The following CDH8 variants were observed in gnomAD, a reference collection of about 807,000 sequenced individuals.
CDH8 encodes cadherin-8.
In CDH8, 17 loss-of-function variants were observed where a neutral mutation model predicts 68.1. The observed-to-expected ratio is 0.25, with a 90% confidence interval of 0.17 to 0.37. The LOEUF is 0.37. Ranked by LOEUF, CDH8 falls within the 10% of genes least tolerant of loss-of-function variation. The pLI is 1.00. For synonymous variants in CDH8, 372 were observed against 365.1 expected (o/e 1.02, Z -0.21); for missense variants, 763 against 999.3 (o/e 0.76, Z 3.19).
chr16:61,982,226 C>CT lies in CDH8; in HGVS notation c.252+38925dup, dbSNP rs547193173. On this transcript the variant is annotated intron_variant, in intron 2 of 11. Transcript: ENST00000577390. ...TAGCTGTGAGACATTAGGCAATTTT[C>CT]TTTTTTTTTTTAAGACAGAGTCTCG... Among the ~76,000 whole-genome samples the CT allele has an allele frequency of 4.7e-3, 694 of 146,958 alleles. 1 individual carries two copies. The highest frequency in any genetic ancestry group is 0.017 in the South Asian group (79 of 4,650).
chr16:61,948,367 G>A (rs1476179076), intron 2 of CDH8, among the ~76,000 whole-genome samples: 2 of 152,110 alleles, frequency 1.3e-5, no homozygotes, highest in Non-Finnish European at 2.9e-5. Flanking sequence ...ATCTAGAACA[G>A]TGCCTCCCCA....
intron 10 of CDH8, among the ~76,000 whole-genome samples, chr16:61,660,929 T>C (rs1217675289): frequency 6.6e-6 from 1 of 151,984 alleles, no homozygotes; most frequent in Non-Finnish European, 1.5e-5. Flanking sequence ...TAAAGGAAGT[T>C]GTCTTCAGAC....
intron 3 of CDH8, among the ~76,000 whole-genome samples, chr16:61,880,717 C>T (rs1207603199): frequency 3.3e-5 from 5 of 152,112 alleles, no homozygotes; most frequent in Admixed American, 2.6e-4. Flanking sequence ...TTTGAAAATG[C>T]CATTCTTGCT....
rs138403638 is a variant in CDH8, at chr16:62,016,992, C to T, written c.252+4160G>A. On this transcript the variant is annotated intron_variant, in intron 2 of 11. Coordinates refer to ENST00000577390, the MANE Select transcript of CDH8 (RefSeq NM_001796.5). ...AATACATAAAAAAAATTGTTAACTA[C>T]CCAGGTGGTCTATAAAATACTCATA... 1.4e-3 allele frequency among the ~76,000 whole-genome samples: 218 copies of T among 152,256 alleles called. 2 individuals are homozygous for T. The East Asian group carries it at 0.034, about 24-fold the overall frequency.
At chr16:61,955,293 A>C (rs1964968373) in intron 2 of CDH8, among the ~76,000 whole-genome samples, 2 of 152,110 alleles carry the variant, frequency 1.3e-5, no homozygotes, top group Non-Finnish European at 1.5e-5. Flanking sequence ...ACCATAACCT[A>C]CTCTTGTGCC....
At chr16:61,842,080 TG>T (rs1274457876) in intron 4 of CDH8, among the ~76,000 whole-genome samples, 40 of 150,822 alleles carry the variant, frequency 2.7e-4, no homozygotes, top group South Asian at 8.4e-4. Flanking sequence ...TTGTATTTTT[TG>T]TATTTTTAGT....
At position 61,653,499 on chromosome 16, in the gene CDH8, G is replaced by T. The variant is rs1298005455; in HGVS notation, c.*109C>A. On this transcript the variant is annotated 3_prime_UTR_variant, in exon 12 of 12. Transcript: ENST00000577390. The stretch of plus-strand genomic sequence containing the variant: ...AATGTGGTTGAGTTTATAGATGACT[G>T]GTGCTAAACTTGCCTCTAAAACAAA... 2.7e-6 allele frequency: 4 copies of T among 1,492,420 alleles called. No individual in the cohort carries two copies. In the African/African-American group the frequency reaches 4.2e-5, roughly 16 times the overall value. 92.4% of individuals were successfully genotyped at this position (1,492,420 alleles called of 1,614,324 possible).
At chr16:61,974,104 G>T (rs1965393481) in intron 2 of CDH8, among the ~76,000 whole-genome samples, 1 of 152,152 alleles carries the variant, frequency 6.6e-6, no homozygotes, top group African/African-American at 2.4e-5. Flanking sequence ...ATCTAGAAAT[G>T]GGTCTGACAT....
intron 11 of CDH8, 58 bp downstream of exon 11, chr16:61,655,412 T>A: frequency 1.3e-6 from 2 of 1,577,648 alleles, no homozygotes; most frequent in Non-Finnish European, 1.7e-6. Context: ...TGTCCTTATT[T>A]ACAGTCATTT....
chr16:61,782,136 G>A (rs1405680516), intron 8 of CDH8, among the ~76,000 whole-genome samples: 1 of 152,172 alleles, frequency 6.6e-6, no homozygotes, highest in African/African-American at 2.4e-5. Context: ...CAGCGTGAGC[G>A]ACGCAGAAGA....
intron 10 of CDH8, among the ~76,000 whole-genome samples, chr16:61,669,082 G>A (rs1245711740): frequency 6.6e-6 from 1 of 151,978 alleles, no homozygotes; most frequent in East Asian, 1.9e-4. Context: ...GCTTTGATTT[G>A]TAGGTCAAAT....
At chr16:61,833,369 G>T (rs1331750354) in intron 4 of CDH8, among the ~76,000 whole-genome samples, 2 of 151,550 alleles carry the variant, frequency 1.3e-5, no homozygotes, top group Non-Finnish European at 2.9e-5. Flanking sequence ...ATATATGCAT[G>T]TTTTCTACTT....
intron 7 of CDH8, among the ~76,000 whole-genome samples, chr16:61,812,289 A>G (rs774743903): frequency 6.6e-6 from 1 of 152,216 alleles, no homozygotes; most frequent in Non-Finnish European, 1.5e-5. Context: ...CAGGTGAATT[A>G]TAAAAATGCC....
At chr16:61,944,096 C>T (rs1459777652) in intron 2 of CDH8, among the ~76,000 whole-genome samples, 2 of 152,136 alleles carry the variant, frequency 1.3e-5, no homozygotes, top group Non-Finnish European at 2.9e-5. Flanking sequence ...TTATTATTTC[C>T]TTCTACAGAG....
Position 61,817,505 on chromosome 16 carries a change from G to A in CDH8, c.1251C>T (p.Asp417=), listed in dbSNP as rs765994153. The A allele has an allele frequency of 1.2e-6, 2 of 1,613,868 alleles. No homozygotes were observed. Among genetic ancestry groups the A allele is most frequent in the Non-Finnish European group, 1.7e-6 (2 of 1,179,886 alleles). ...NSVIGQVTAR[D]PDITSSPIRF... ...TTATAGGACTGGAAGTGATATCAGG[G>A]TCACGAGCAGTCACTTGCCCAATCA... is the stretch of plus-strand genomic sequence containing the variant. The change falls in exon 7 of 12, where the codon GAC becomes GAT. Residue 417 remains aspartate (D), a synonymous_variant. Transcript: ENST00000577390.
At chr16:61,921,228 C>T (rs1597067326) in intron 2 of CDH8, among the ~76,000 whole-genome samples, 1 of 149,726 alleles carries the variant, frequency 6.7e-6, no homozygotes, top group Non-Finnish European at 1.5e-5. Flanking sequence ...ACAATGTGCA[C>T]ATGTACCTTA....
intron 2 of CDH8, among the ~76,000 whole-genome samples, chr16:61,907,524 G>A (rs1422122764): frequency 6.6e-6 from 1 of 151,674 alleles, no homozygotes; most frequent in Non-Finnish European, 1.5e-5. Context: ...AAAAAAAATA[G>A]AAAAAATTAG....
intron 2 of CDH8, among the ~76,000 whole-genome samples, chr16:61,901,928 C>T (rs1963982176): frequency 6.6e-6 from 1 of 151,986 alleles, no homozygotes; most frequent in Admixed American, 6.6e-5. Context: ...CATAAGAAAA[C>T]TGATGCTGAA....
intron 8 of CDH8, among the ~76,000 whole-genome samples, chr16:61,754,113 C>T (rs928408153): frequency 3.3e-5 from 5 of 152,070 alleles, no homozygotes; most frequent in African/African-American, 1.2e-4. Flanking sequence ...CTTCCAGGTT[C>T]TCAAAGATAA....
Sources: gnomAD v4.1 joint callset for allele counts (sites outside exome capture counted in the v4.1 genomes callset) on GRCh38, gnomAD v4.1.1 for gene constraint, MANE v1.5 for transcripts, NCBI Gene and HGNC (gene_info 2026-07-23, HGNC 2026-07-21) for gene names.